Variants in SMAD3 observed in about 807,000 individuals in gnomAD.
SMAD3 encodes SMAD family member 3.
SMAD3 carries 12 observed loss-of-function variants against 51.8 expected under a neutral mutation model. The observed-to-expected ratio is 0.23, with a 90% CI of 0.15 to 0.38. The LOEUF is 0.38. SMAD3 is among the 10% of genes least tolerant of loss of function. SMAD3 has a pLI of 1.00. For missense variants in SMAD3, 294 were observed against 565.6 expected, an observed-to-expected ratio of 0.52 and a Z score of 4.87; for synonymous variants, 238 against 227.7, an observed-to-expected ratio of 1.05 and a Z score of -0.41.
At chr15:67,081,162 G>C (rs973590134) in intron 1 of SMAD3, among the ~76,000 whole-genome samples, 1 of 152,150 alleles carries the variant, frequency 6.6e-6, no homozygotes, top group East Asian at 1.9e-4. Context: ...AATAGAACAC[G>C]ATGCATTTCC....
intron 1 of SMAD3, among the ~76,000 whole-genome samples, chr15:67,083,292 G>A (rs1208928804): frequency 6.6e-6 from 1 of 152,182 alleles, no homozygotes; most frequent in Non-Finnish European, 1.5e-5. Flanking sequence ...GTTTAACCAC[G>A]GCTGTGGACC....
intron 1 of SMAD3, among the ~76,000 whole-genome samples, chr15:67,148,116 G>A (rs1457921797): frequency 1.3e-5 from 2 of 152,212 alleles, no homozygotes; most frequent in East Asian, 3.8e-4. Flanking sequence ...AATGAGAAGT[G>A]TAGACACAGA....
chr15:67,165,233 G>C lies in SMAD3; in HGVS notation c.401-20G>C. Reference sequence around the variant, plus strand: ...CTGGCATCGACACTGAGCCACCTCTGCTCTGTCTCCCCCGGACAGTTCTAC... The same window carrying C: ...CTGGCATCGACACTGAGCCACCTCTCCTCTGTCTCCCCCGGACAGTTCTAC... On this transcript the variant is annotated intron_variant, in intron 2 of 8. Coordinates refer to ENST00000327367, the MANE Select transcript of SMAD3 (RefSeq NM_005902.4). 6.2e-7 allele frequency: 1 copy of C among 1,614,150 alleles called. No homozygotes were observed. Among genetic ancestry groups the C allele is most frequent in the South Asian group, 1.1e-5 (1 of 91,086 alleles).
intron 1 of SMAD3, among the ~76,000 whole-genome samples, chr15:67,160,221 G>A (rs775997842): frequency 6.6e-6 from 1 of 152,218 alleles, no homozygotes; most frequent in Non-Finnish European, 1.5e-5. Context: ...CTTCCAAGCT[G>A]TTTTCCAAAA....
chr15:67,174,166 GCCA>G (rs1962827470), intron 5 of SMAD3: 2 of 152,438 alleles, frequency 1.3e-5, no homozygotes, highest in Admixed American at 1.3e-4. Flanking sequence ...GACTCACATG[GCCA>G]CGCTCTGAGG....
intron 1 of SMAD3, among the ~76,000 whole-genome samples, chr15:67,113,096 T>TATATATATA (rs58255931): frequency 0.058 from 5,045 of 86,722 alleles, 886 homozygotes; most frequent in African/African-American, 0.078. Context: ...ATATATATAT[T>TATATATATA]TTTTTGAGAC....
intron 5 of SMAD3, among the ~76,000 whole-genome samples, chr15:67,173,085 A>G (rs953352581): frequency 1.3e-5 from 2 of 152,152 alleles, no homozygotes; most frequent in Non-Finnish European, 2.9e-5. Context: ...TAAAACAAGA[A>G]GGAGGTGCAG....
intron 1 of SMAD3, among the ~76,000 whole-genome samples, chr15:67,111,275 C>T (rs1313506241): frequency 6.6e-6 from 1 of 152,208 alleles, no homozygotes; most frequent in African/African-American, 2.4e-5. Flanking sequence ...ACTTCTTTCA[C>T]TTAACATATT....
At chr15:67,169,593 C>T (rs1962687253) in intron 4 of SMAD3, among the ~76,000 whole-genome samples, 1 of 151,736 alleles carries the variant, frequency 6.6e-6, no homozygotes, top group Non-Finnish European at 1.5e-5. Flanking sequence ...AAGTAATTGT[C>T]CAGCCTCAGC....
rs182280596 is a variant in SMAD3 at position 67,190,601 on chromosome 15, T to C, written c.*65T>C. 343 of 1,540,252 alleles carry C rather than the reference T, an allele frequency of 2.2e-4. No individual in the cohort carries two copies. In the African/African-American group the frequency reaches 4.3e-3, roughly 19 times the overall value. On this transcript the variant is annotated 3_prime_UTR_variant, in exon 9 of 9. Transcript: ENST00000327367. ...ATGGCCATGCAGGAGGTGGAGAAAATTGGAACTCTACTCAACCCATTGTTG... is the reference window on the plus strand; with the variant it reads ...ATGGCCATGCAGGAGGTGGAGAAAACTGGAACTCTACTCAACCCATTGTTG...
rs1963044239 is a variant in SMAD3, at chr15:67,181,235, C to T, written c.659-6C>T. ...AATGACCCAGTAGCCCACCCTGTGT[C>T]CACAGACCTGCAGCCAGTTACCTAC... On this transcript the variant is annotated splice_polypyrimidine_tract_variant and splice_region_variant and intron_variant, in intron 5 of 8. Transcript: ENST00000327367. 1.2e-6 allele frequency: 2 copies of T among 1,611,846 alleles called. No individual in the cohort carries two copies. Among genetic ancestry groups the T allele is most frequent in the Non-Finnish European group, 1.7e-6 (2 of 1,179,552 alleles).
rs1377046725 is a variant in SMAD3, at chr15:67,165,179, CT to C, written c.401-72del. 8.1e-6 allele frequency: 13 copies of C among 1,613,000 alleles called. No individual in the cohort carries two copies. In the Admixed American group the frequency reaches 2.0e-4, roughly 25 times the overall value. On this transcript the variant is annotated intron_variant, in intron 2 of 8. Coordinates refer to ENST00000327367, the MANE Select transcript of SMAD3 (RefSeq NM_005902.4). ...CATCCCCCCGAGGGTCTGCGGTGCACTTGGGGGTGCGGGGACTTTGGTGCTG... is the reference window on the plus strand; with the variant it reads ...CATCCCCCCGAGGGTCTGCGGTGCACTGGGGGTGCGGGGACTTTGGTGCTG...
rs77035000 is a variant in SMAD3, at chr15:67,100,857, G to A, written c.206+34497G>A. On this transcript the variant is annotated intron_variant, in intron 1 of 8. Coordinates refer to ENST00000327367, the MANE Select transcript of SMAD3 (RefSeq NM_005902.4). Reference sequence around the variant, plus strand: ...GACTTGCTCAAGGGCACAGAGCAGCGTACCAGAGTTGAGCTTTGGCTTCTA... The same window carrying A: ...GACTTGCTCAAGGGCACAGAGCAGCATACCAGAGTTGAGCTTTGGCTTCTA... Among the ~76,000 whole-genome samples, 870 of 152,312 alleles carry A rather than the reference G, an allele frequency of 5.7e-3. 50 individuals carry two copies. The East Asian group carries it at 0.13, about 22-fold the overall frequency.
intron 1 of SMAD3, among the ~76,000 whole-genome samples, chr15:67,088,950 C>T (rs967547367): frequency 3.3e-5 from 5 of 152,056 alleles, no homozygotes; most frequent in South Asian, 2.1e-4. Flanking sequence ...TGCTGGAGAG[C>T]ATGTGGGGTG....
At chr15:67,090,145 G>A (rs924740517) in intron 1 of SMAD3, among the ~76,000 whole-genome samples, 22 of 152,170 alleles carry the variant, frequency 1.4e-4, no homozygotes, top group Non-Finnish European at 2.6e-4. Context: ...GGCTGGAGTC[G>A]GGGTTCACCT....
chr15:67,085,272 G>A (rs771387267), intron 1 of SMAD3, among the ~76,000 whole-genome samples: 3 of 152,140 alleles, frequency 2.0e-5, no homozygotes, highest in Non-Finnish European at 4.4e-5. Flanking sequence ...AGAATTAGAG[G>A]CAGCAGGCCT....
At chr15:67,113,421 CA>C (rs1474301966) in intron 1 of SMAD3, among the ~76,000 whole-genome samples, 2 of 151,642 alleles carry the variant, frequency 1.3e-5, no homozygotes, top group Non-Finnish European at 1.5e-5. Flanking sequence ...CTACATTGTT[CA>C]AAAAAAGAAT....
intron 1 of SMAD3, among the ~76,000 whole-genome samples, chr15:67,118,664 A>G (rs897584288): frequency 1.3e-5 from 2 of 152,196 alleles, no homozygotes; most frequent in Non-Finnish European, 2.9e-5. Context: ...TAGCTAGGTA[A>G]GGCTTCACAG....
intron 1 of SMAD3, among the ~76,000 whole-genome samples, chr15:67,150,192 GC>G (rs1219776536): frequency 6.6e-6 from 1 of 152,178 alleles, no homozygotes; most frequent in Non-Finnish European, 1.5e-5. Flanking sequence ...TCACTGAGTC[GC>G]CCGGTTGACC....
Sources: gnomAD v4.1 joint callset for allele counts (sites outside exome capture counted in the v4.1 genomes callset) on GRCh38, gnomAD v4.1.1 for gene constraint, MANE v1.5 for transcripts, NCBI Gene and HGNC (gene_info 2026-07-23, HGNC 2026-07-21) for gene names.